The following PALLD variants were observed in gnomAD, a reference collection of about 807,000 sequenced individuals.
The protein encoded by PALLD is palladin.
A neutral mutation model predicts 123.5 loss-of-function variants in PALLD; 61 were observed. The observed-to-expected ratio is 0.49, with a 90% CI of 0.40 to 0.61. The LOEUF (loss-of-function observed/expected upper bound fraction) is 0.61. Among genes scored for constraint, PALLD ranks in the 20% least tolerant of loss-of-function variants. The pLI is 0.00. For missense variants in PALLD, 1,273 were observed against 1,377.0 expected (o/e 0.92, Z 1.20); for synonymous variants, 465 against 496.4 (o/e 0.94, Z 0.84).
chr4:168,721,089 C>T (rs1785966195), intron 10 of PALLD, among the ~76,000 whole-genome samples: 1 of 152,274 alleles, frequency 6.6e-6, no homozygotes, highest in African/African-American at 2.4e-5. Context: ...TGCAGATACC[C>T]TATCTGTGTT....
At chr4:168,566,130 T>C (rs1225307186) in intron 2 of PALLD, among the ~76,000 whole-genome samples, 2 of 152,116 alleles carry the variant, frequency 1.3e-5, no homozygotes, top group Non-Finnish European at 2.9e-5. Context: ...CCACAGAAAA[T>C]ATTCTTCAGG....
intron 2 of PALLD, among the ~76,000 whole-genome samples, chr4:168,572,810 C>T (rs142988023): frequency 1.5e-3 from 230 of 151,758 alleles, no homozygotes; most frequent in African/African-American, 5.1e-3. Flanking sequence ...GCAGCTACCT[C>T]CTAAATAGTA....
At chr4:168,774,361 C>A (rs1734871038) in intron 10 of PALLD, among the ~76,000 whole-genome samples, 1 of 151,988 alleles carries the variant, frequency 6.6e-6, no homozygotes, top group Non-Finnish European at 1.5e-5. Context: ...TAAGAAAGAG[C>A]ACATATTTAA....
At chr4:168,735,521 A>G (rs1229833493) in intron 10 of PALLD, among the ~76,000 whole-genome samples, 1 of 152,164 alleles carries the variant, frequency 6.6e-6, no homozygotes, top group African/African-American at 2.4e-5. Context: ...CTGTTTCTTG[A>G]CGGTTATGTT....
chr4:168,580,464 C>CA (rs1436718714), intron 2 of PALLD, among the ~76,000 whole-genome samples: 1 of 151,834 alleles, frequency 6.6e-6, no homozygotes, highest in African/African-American at 2.4e-5. Context: ...CTATAACAGA[C>CA]AAAAAATAAC....
intron 7 of PALLD, 86 bp downstream of exon 7, chr4:168,690,830 T>C: frequency 7.6e-7 from 1 of 1,315,786 alleles, no homozygotes; most frequent in Non-Finnish European, 1.1e-6. Context: ...GTCATTAAGA[T>C]GAATTGATCT....
intron 10 of PALLD, among the ~76,000 whole-genome samples, chr4:168,795,304 A>T (rs1738328801): frequency 6.6e-6 from 1 of 152,238 alleles, no homozygotes; most frequent in Non-Finnish European, 1.5e-5. Flanking sequence ...TTGTGAAATC[A>T]ATTTAAAGGT....
intron 10 of PALLD, among the ~76,000 whole-genome samples, chr4:168,880,323 G>T (rs905565390): frequency 6.6e-6 from 1 of 152,172 alleles, no homozygotes; most frequent in African/African-American, 2.4e-5. Flanking sequence ...TAATGGAGAA[G>T]TCGTGCCGAT....
At chr4:168,685,003 A>G (rs1055661974) in intron 5 of PALLD, among the ~76,000 whole-genome samples, 1 of 152,240 alleles carries the variant, frequency 6.6e-6, no homozygotes, top group African/African-American at 2.4e-5. Flanking sequence ...GTCAATAAAA[A>G]AAAATTCTTT....
At chr4:168,636,939 G>A (rs1776402490) in intron 2 of PALLD, among the ~76,000 whole-genome samples, 1 of 152,156 alleles carries the variant, frequency 6.6e-6, no homozygotes, top group South Asian at 2.1e-4. Flanking sequence ...AATATCTGAA[G>A]TAGGAGAGGA....
Position 168,551,229 on chromosome 4 carries a change from C to G in PALLD, c.908+38817C>G, listed in dbSNP as rs536967565. Among the ~76,000 whole-genome samples the G allele has an allele frequency of 6.6e-5, 10 of 152,154 alleles. No individual in the cohort carries two copies. The East Asian group carries it at 1.4e-3, about 21-fold the overall frequency. On this transcript the variant is annotated intron_variant, in intron 2 of 21. Transcript: ENST00000505667. ...CATTTTTGAATATGAATTATATTTT[C>G]AAATGTTTTTATTTTCTCTTTCGTG...
At chr4:168,603,763 TCC>T (rs1772907454) in intron 2 of PALLD, among the ~76,000 whole-genome samples, 1 of 152,208 alleles carries the variant, frequency 6.6e-6, no homozygotes. Context: ...GTGTATTCTT[TCC>T]ATATTTCCCA....
intron 10 of PALLD, among the ~76,000 whole-genome samples, chr4:168,794,700 C>A (rs1471100373): frequency 6.6e-6 from 1 of 152,158 alleles, no homozygotes; most frequent in African/African-American, 2.4e-5. Context: ...GAGTGTTCAG[C>A]ATCTGTCTTA....
chr4:168,531,672 T>C (rs1001387663), intron 2 of PALLD, among the ~76,000 whole-genome samples: 3 of 152,186 alleles, frequency 2.0e-5, no homozygotes, highest in Non-Finnish European at 2.9e-5. Context: ...TGAATGCTGA[T>C]AGAAAAATCC....
intron 2 of PALLD, among the ~76,000 whole-genome samples, chr4:168,543,581 T>A: frequency 6.6e-6 from 1 of 151,892 alleles, no homozygotes; most frequent in South Asian, 2.1e-4. Context: ...ATGAAGTAAA[T>A]GAAAATGAGC....
At chr4:168,638,733 T>C (rs1237526324) in intron 2 of PALLD, among the ~76,000 whole-genome samples, 1 of 151,844 alleles carries the variant, frequency 6.6e-6, no homozygotes, top group South Asian at 2.1e-4. Context: ...GCCTATTTTA[T>C]AGGGGCACTA....
chr4:168,617,501 A>C (rs1774342750), intron 2 of PALLD, among the ~76,000 whole-genome samples: 2 of 152,162 alleles, frequency 1.3e-5, no homozygotes, highest in South Asian at 4.1e-4. Context: ...GAACAAGACT[A>C]GGGGCCGGCC....
At chr4:168,695,074 A>G (rs1783013009) in intron 8 of PALLD, among the ~76,000 whole-genome samples, 1 of 152,184 alleles carries the variant, frequency 6.6e-6, no homozygotes, top group African/African-American at 2.4e-5. Flanking sequence ...AAAAACACAA[A>G]AACGCGTCTT....
At chr4:168,567,942 T>A (rs1310630768) in intron 2 of PALLD, among the ~76,000 whole-genome samples, 1 of 152,072 alleles carries the variant, frequency 6.6e-6, no homozygotes, top group Non-Finnish European at 1.5e-5. Context: ...CCTAAATCTA[T>A]AAAGTTTTTT....
Sources: allele counts gnomAD v4.1 joint callset (sites outside exome capture counted in the v4.1 genomes callset), GRCh38; gene constraint gnomAD v4.1.1; transcripts MANE v1.5; gene names NCBI Gene and HGNC (gene_info 2026-07-23, HGNC 2026-07-21).